The following KATNAL1 variants were observed in gnomAD, a reference collection of about 807,000 sequenced individuals.
KATNAL1 encodes the protein katanin p60 ATPase-containing subunit A-like 1.
KATNAL1 carries 32 observed loss-of-function variants against 55.2 expected under a neutral mutation model. That is an observed-to-expected ratio of 0.58 (90% CI 0.44 to 0.78). The LOEUF is 0.78. KATNAL1 is among the 30% of genes least tolerant of loss of function. The pLI, the probability that KATNAL1 is intolerant of heterozygous loss-of-function variation, is 0.00. For synonymous variants in KATNAL1, 193 were observed against 193.6 expected (o/e 1.00, Z 0.02); for missense variants, 466 against 600.9 (o/e 0.78, Z 2.35).
chr13:30,217,925 C>T (rs535886087), intron 9 of KATNAL1, among the ~76,000 whole-genome samples: 26 of 152,016 alleles, frequency 1.7e-4, no homozygotes, highest in Non-Finnish European at 3.4e-4. Flanking sequence ...GGGAAATCAC[C>T]AACCCAGATG....
intron 6 of KATNAL1, among the ~76,000 whole-genome samples, chr13:30,233,239 G>A (rs1199154831): frequency 6.6e-6 from 1 of 152,034 alleles, no homozygotes; most frequent in Non-Finnish European, 1.5e-5. Flanking sequence ...GAACACATAA[G>A]CAGCTCAAGC....
chr13:30,268,922 GCAAA>G (rs1278635954), intron 3 of KATNAL1, among the ~76,000 whole-genome samples: 3 of 152,076 alleles, frequency 2.0e-5, no homozygotes, highest in African/African-American at 7.2e-5. Flanking sequence ...GGGTAAAGCA[GCAAA>G]CAAATAAAAG....
intron 4 of KATNAL1, among the ~76,000 whole-genome samples, chr13:30,255,115 A>G (rs899251697): frequency 3.3e-5 from 5 of 152,184 alleles, no homozygotes; most frequent in African/African-American, 7.2e-5. Flanking sequence ...GTCTTTCCCC[A>G]TAACTATTTT....
intron 3 of KATNAL1, among the ~76,000 whole-genome samples, chr13:30,277,459 C>T (rs1310535103): frequency 2.6e-5 from 4 of 152,198 alleles, no homozygotes; most frequent in African/African-American, 7.2e-5. Flanking sequence ...TCAAGTCAAA[C>T]GTCTTTCCAT....
At chr13:30,229,088 T>G (rs1049608920) in intron 8 of KATNAL1, among the ~76,000 whole-genome samples, 1 of 152,148 alleles carries the variant, frequency 6.6e-6, no homozygotes, top group African/African-American at 2.4e-5. Flanking sequence ...ATTTTATCTG[T>G]TCTAATGTTT....
chr13:30,295,145 ATTAT>A (rs1593184777), intron 1 of KATNAL1, among the ~76,000 whole-genome samples: 1 of 152,214 alleles, frequency 6.6e-6, no homozygotes, highest in Non-Finnish European at 1.5e-5. Context: ...TTCAAATCTT[ATTAT>A]TTAAGAAATA....
Position 30,204,099 on chromosome 13 carries a change from T to C in KATNAL1, c.*4441A>G, listed in dbSNP as rs1403708390. On this transcript the variant is annotated 3_prime_UTR_variant, in exon 11 of 11. Transcript: ENST00000380615. The stretch of plus-strand genomic sequence containing the variant: ...TGACATATTCTCAGGTTCACACAAA[T>C]ATTACGTGCATCACAAATTAAGTGG... 2 of 152,206 alleles carry C rather than the reference T, an allele frequency of 1.3e-5. No homozygotes were observed. Among genetic ancestry groups the C allele is most frequent in the African/African-American group, 4.8e-5 (2 of 41,458 alleles). 9.4% of individuals were successfully genotyped at this position (152,206 alleles called of 1,614,324 possible). A position where few individuals can be genotyped will look rare whatever the true frequency, so the allele number is the denominator to read the frequency against.
At chr13:30,295,741 C>G (rs1882439633) in intron 1 of KATNAL1, among the ~76,000 whole-genome samples, 1 of 152,190 alleles carries the variant, frequency 6.6e-6, no homozygotes. Flanking sequence ...TAGATTACTA[C>G]ATAATCCTAG....
In KATNAL1 at chr13:30,208,472, T is replaced by A. The variant is rs1873355432; in HGVS notation, c.*68A>T. ...TGAAAAAAATTCCAAACTTGTTTTTTAAAAATTGCAGGAATTTCTTCGTAT... is the reference window on the plus strand; with the variant it reads ...TGAAAAAAATTCCAAACTTGTTTTTAAAAAATTGCAGGAATTTCTTCGTAT... On this transcript the variant is annotated 3_prime_UTR_variant, in exon 11 of 11. Transcript: ENST00000380615. 3 of 1,371,488 alleles carry A rather than the reference T, an allele frequency of 2.2e-6. No homozygotes were observed. Among genetic ancestry groups the A allele is most frequent in the Non-Finnish European group, 2.9e-6 (3 of 1,031,076 alleles). 85.0% of individuals were successfully genotyped at this position (1,371,488 alleles called of 1,614,324 possible). A position where few individuals can be genotyped will look rare whatever the true frequency, so the allele number is the denominator to read the frequency against.
chr13:30,248,133 A>T (rs543293872), intron 4 of KATNAL1, among the ~76,000 whole-genome samples: 1 of 152,366 alleles, frequency 6.6e-6, no homozygotes, highest in South Asian at 2.1e-4. Context: ...AAATACAGAA[A>T]GACTGTTCAG....
intron 3 of KATNAL1, among the ~76,000 whole-genome samples, chr13:30,261,569 A>C (rs1378811974): frequency 6.6e-6 from 1 of 152,138 alleles, no homozygotes; most frequent in African/African-American, 2.4e-5. Context: ...TTGCAATCCT[A>C]GTCTCTGATA....
intron 9 of KATNAL1, among the ~76,000 whole-genome samples, chr13:30,218,848 C>T (rs1259867410): frequency 1.3e-5 from 2 of 152,170 alleles, no homozygotes; most frequent in Non-Finnish European, 2.9e-5. Flanking sequence ...CGACCCAAGG[C>T]ATCATGGAAC....
chr13:30,282,462 A>C (rs2137535276), intron 2 of KATNAL1, among the ~76,000 whole-genome samples: 1 of 152,102 alleles, frequency 6.6e-6, no homozygotes, highest in East Asian at 1.9e-4. Flanking sequence ...ACATAGCAAG[A>C]CTCAGTCCTT....
At chr13:30,297,214 G>C (rs1398277599) in intron 1 of KATNAL1, among the ~76,000 whole-genome samples, 2 of 151,400 alleles carry the variant, frequency 1.3e-5, no homozygotes, top group East Asian at 3.9e-4. Context: ...TAGGAAGAGA[G>C]GAAAAAGAGA....
At position 30,241,100 on chromosome 13, in the gene KATNAL1, TA is replaced by T. The variant is rs745883297; in HGVS notation, c.493-15del. The T allele has an allele frequency of 1.4e-4, 217 of 1,591,424 alleles. No individual in the cohort carries two copies. The highest frequency in any genetic ancestry group is 3.5e-4 in the Admixed American group (20 of 57,118). ...ATTCTTCCTTCCCTGGGGATAGGTA[TA>T]AAAAAAAAGTACTAGTCAGTAATGG... On this transcript the variant is annotated splice_polypyrimidine_tract_variant and intron_variant, in intron 4 of 10. Coordinates refer to ENST00000380615, the MANE Select transcript of KATNAL1 (RefSeq NM_032116.5).
chr13:30,230,862 C>T (rs1021343956), intron 7 of KATNAL1, among the ~76,000 whole-genome samples: 9 of 152,088 alleles, frequency 5.9e-5, no homozygotes, highest in African/African-American at 1.9e-4. Context: ...TGGAAATTTC[C>T]ATAATGGAAA....
At position 30,297,606 on chromosome 13, in the gene KATNAL1, G is replaced by A. The variant is rs1038052618; in HGVS notation, c.-15+9725C>T. ...CACTATTCACAATAGCAAAGCCATG[G>A]AATCAATCTCGGTATCCATCAACAG... On this transcript the variant is annotated intron_variant, in intron 1 of 10. Coordinates refer to ENST00000380615, the MANE Select transcript of KATNAL1 (RefSeq NM_032116.5). Among the ~76,000 whole-genome samples, 4 of 152,226 alleles carry A rather than the reference G, an allele frequency of 2.6e-5. No individual in the cohort carries two copies. The East Asian group carries it at 7.7e-4, about 29-fold the overall frequency.
intron 3 of KATNAL1, among the ~76,000 whole-genome samples, chr13:30,260,893 G>A (rs1403863404): frequency 6.7e-6 from 1 of 149,902 alleles, no homozygotes; most frequent in Non-Finnish European, 1.5e-5. Flanking sequence ...TCCTCGAGAA[G>A]AGCAACTCCA....
chr13:30,261,059 A>G (rs1414189756), intron 3 of KATNAL1, among the ~76,000 whole-genome samples: 10 of 152,110 alleles, frequency 6.6e-5, no homozygotes, highest in Non-Finnish European at 7.4e-5. Context: ...AGTGGGGGCC[A>G]ATATTCAACA....
Sources: gnomAD v4.1 joint callset for allele counts (sites outside exome capture counted in the v4.1 genomes callset) on GRCh38, gnomAD v4.1.1 for gene constraint, MANE v1.5 for transcripts, NCBI Gene and HGNC (gene_info 2026-07-23, HGNC 2026-07-21) for gene names.